The following SCMH1 variants were observed in gnomAD, a reference collection of about 807,000 sequenced individuals.
The protein encoded by SCMH1 is Scm polycomb group protein homolog 1, also known as polycomb protein SCMH1.
In SCMH1, 37 loss-of-function variants were observed where a neutral mutation model predicts 70.8. That is an observed-to-expected ratio of 0.52 (90% CI 0.40 to 0.69). SCMH1 has a LOEUF of 0.69. Ranked by LOEUF, SCMH1 falls within the 30% of genes least tolerant of loss-of-function variation. The pLI is 0.00. For synonymous variants in SCMH1, 292 were observed against 307.4 expected, an observed-to-expected ratio of 0.95 and a Z score of 0.52; for missense variants, 607 against 827.3, an observed-to-expected ratio of 0.73 and a Z score of 3.27.
intron 9 of SCMH1, among the ~76,000 whole-genome samples, chr1:41,072,740 C>T (rs1184075740): frequency 6.6e-6 from 1 of 152,090 alleles, no homozygotes; most frequent in Non-Finnish European, 1.5e-5. Context: ...GTGGCACATG[C>T]CTATAGTCCC....
intron 8 of SCMH1, among the ~76,000 whole-genome samples, chr1:41,100,598 C>G (rs570824268): frequency 6.7e-6 from 1 of 148,460 alleles, no homozygotes; most frequent in Non-Finnish European, 1.5e-5. Flanking sequence ...CGGAGTCTCA[C>G]TCTATTGCCC....
chr1:41,046,922 A>G (rs1646949609), intron 11 of SCMH1, among the ~76,000 whole-genome samples: 1 of 152,204 alleles, frequency 6.6e-6, no homozygotes, highest in South Asian at 2.1e-4. Context: ...CTCCCCCAGG[A>G]AATCTGCTCA....
intron 6 of SCMH1, among the ~76,000 whole-genome samples, chr1:41,128,252 C>G (rs960979073): frequency 6.6e-6 from 1 of 152,176 alleles, no homozygotes; most frequent in Non-Finnish European, 1.5e-5. Flanking sequence ...TATTTACCTA[C>G]AAATTTTCCT....
At chr1:41,162,874 C>G (rs1053127691) in intron 2 of SCMH1, 1 of 152,322 alleles carries the variant, frequency 6.6e-6, no homozygotes, top group Non-Finnish European at 1.5e-5. Context: ...TTGCTCAATA[C>G]AGCACCTCTT....
intron 6 of SCMH1, among the ~76,000 whole-genome samples, chr1:41,123,760 C>A (rs951458953): frequency 1.1e-4 from 16 of 151,958 alleles, no homozygotes; most frequent in Middle Eastern, 6.8e-3. Flanking sequence ...TTCTACTCTA[C>A]TACATGTTTT....
At chr1:41,033,807 G>GATTT (rs1644892439) in intron 13 of SCMH1, among the ~76,000 whole-genome samples, 176 bp downstream of exon 14, 2 of 152,192 alleles carry the variant, frequency 1.3e-5, no homozygotes, top group South Asian at 4.1e-4. Context: ...GCTGTAAAGA[G>GATTT]ATTTATACAA....
At chr1:41,099,454 A>T (rs1434796734) in intron 8 of SCMH1, among the ~76,000 whole-genome samples, 1 of 152,236 alleles carries the variant, frequency 6.6e-6, no homozygotes, top group African/African-American at 2.4e-5. Context: ...GTACTTTAAC[A>T]TTCATTAATT....
chr1:41,037,288 C>T, intron 13 of SCMH1, 74 bp downstream of exon 13: 1 of 1,468,670 alleles, frequency 6.8e-7, no homozygotes, highest in Non-Finnish European at 9.3e-7. Context: ...TCCTCTCTGG[C>T]CTCCCAGAGC....
chr1:41,209,066 G>A (rs1024199355), intron 1 of SCMH1, among the ~76,000 whole-genome samples: 3 of 152,190 alleles, frequency 2.0e-5, no homozygotes, highest in African/African-American at 7.2e-5. Flanking sequence ...CAATCCCACA[G>A]AAATACAAAC....
At chr1:41,057,241 TG>T (rs946995581) in intron 10 of SCMH1, among the ~76,000 whole-genome samples, 1 of 151,994 alleles carries the variant, frequency 6.6e-6, no homozygotes, top group African/African-American at 2.4e-5. Flanking sequence ...CTATTTACCA[TG>T]TTTTTTTTGT....
At chr1:41,032,806 C>T (rs765349452) in intron 13 of SCMH1, among the ~76,000 whole-genome samples, 2 of 151,658 alleles carry the variant, frequency 1.3e-5, no homozygotes, top group Admixed American at 6.6e-5. Context: ...GGTGAAACCC[C>T]GTCTCTACTA....
chr1:41,208,854 C>T (rs944983972), intron 1 of SCMH1, among the ~76,000 whole-genome samples: 3 of 151,870 alleles, frequency 2.0e-5, no homozygotes, highest in African/African-American at 7.3e-5. Context: ...CAAAAGCTAG[C>T]GGAAGGCAAG....
intron 10 of SCMH1, among the ~76,000 whole-genome samples, chr1:41,051,371 G>C (rs1291171977): frequency 6.6e-6 from 1 of 152,172 alleles, no homozygotes; most frequent in Non-Finnish European, 1.5e-5. Flanking sequence ...TGTGTATTTA[G>C]TATACTTCTT....
At chr1:41,191,331 G>A (rs1028874231) in intron 1 of SCMH1, among the ~76,000 whole-genome samples, 2 of 152,122 alleles carry the variant, frequency 1.3e-5, no homozygotes, top group African/African-American at 4.8e-5. Flanking sequence ...ATATACTACT[G>A]ACAAGTTAAG....
intron 8 of SCMH1, among the ~76,000 whole-genome samples, chr1:41,079,739 A>G (rs1031274416): frequency 6.6e-6 from 1 of 152,130 alleles, no homozygotes; most frequent in Non-Finnish European, 1.5e-5. Context: ...CTGTAGCCCT[A>G]GCTACTCAAG....
chr1:41,099,187 G>C, intron 8 of SCMH1: 3 of 190,842 alleles, frequency 1.6e-5, no homozygotes, highest in Non-Finnish European at 3.4e-5. Context: ...TAAAAATATA[G>C]CAAATCTAAA....
At chr1:41,083,736 C>T (rs919840970) in intron 8 of SCMH1, among the ~76,000 whole-genome samples, 32 of 152,248 alleles carry the variant, frequency 2.1e-4, no homozygotes, top group South Asian at 4.2e-4. Context: ...TACTACAAGG[C>T]TACAGTAACC....
At chr1:41,175,454 T>C (rs1647053019) in intron 2 of SCMH1, among the ~76,000 whole-genome samples, 1 of 152,204 alleles carries the variant, frequency 6.6e-6, no homozygotes, top group African/African-American at 2.4e-5. Flanking sequence ...AGATAGTATA[T>C]CATGGGATTT....
chr1:41,233,774 G>A (rs1297329468), intron 1 of SCMH1, among the ~76,000 whole-genome samples: 2 of 151,912 alleles, frequency 1.3e-5, no homozygotes, highest in Non-Finnish European at 2.9e-5. Context: ...GAAACTTACC[G>A]TTGTTCTCTT....
Sources: allele counts gnomAD v4.1 joint callset (sites outside exome capture counted in the v4.1 genomes callset), GRCh38; gene constraint gnomAD v4.1.1; transcripts MANE v1.5; gene names NCBI Gene and HGNC (gene_info 2026-07-23, HGNC 2026-07-21).